The following TRIO variants were observed in gnomAD, a reference collection of about 807,000 sequenced individuals.
TRIO encodes the protein trio Rho guanine nucleotide exchange factor.
A neutral mutation model predicts 351.9 loss-of-function variants in TRIO; 58 were observed. The ratio of observed to expected loss-of-function variants is 0.16; its 90% CI spans 0.13 to 0.21. The LOEUF (loss-of-function observed/expected upper bound fraction) is 0.21, where lower values mean the gene tolerates loss of function less well. Among genes scored for constraint, TRIO ranks in the 10% least tolerant of loss-of-function variants. The pLI, the probability that TRIO is intolerant of heterozygous loss-of-function variation, is 1.00. For synonymous variants in TRIO, 1,758 were observed against 1,595.7 expected, an observed-to-expected ratio of 1.10 and a Z score of -2.42; for missense variants, 3,201 against 4,027.8, an observed-to-expected ratio of 0.79 and a Z score of 5.56.
chr5:14,359,863 C>G (rs549306233), intron 13 of TRIO, among the ~76,000 whole-genome samples: 2 of 152,208 alleles, frequency 1.3e-5, no homozygotes, highest in Non-Finnish European at 2.9e-5. Flanking sequence ...GTTAAAACCT[C>G]GATTGGGTTG....
chr5:14,385,169 C>T (rs1047407386), intron 21 of TRIO, among the ~76,000 whole-genome samples: 6 of 152,240 alleles, frequency 3.9e-5, no homozygotes, highest in African/African-American at 1.4e-4. Context: ...GTGGCATCTT[C>T]CTGCCCCCTC....
chr5:14,302,131 TTTTC>T, intron 7 of TRIO, among the ~76,000 whole-genome samples: 1 of 152,340 alleles, frequency 6.6e-6, no homozygotes, highest in East Asian at 1.9e-4. Context: ...CTTGAATGTT[TTTTC>T]TTTATTGGTT....
At chr5:14,390,196 C>G in intron 25 of TRIO, 35 bp from the exon 26 acceptor site, 1 of 1,601,280 alleles carries the variant, frequency 6.2e-7, no homozygotes, top group East Asian at 2.2e-5. Context: ...TTTTAAAACA[C>G]CTTTGTAATA....
At chr5:14,173,190 CTTTTTTTTTTTTT>C (rs758636385) in intron 1 of TRIO, among the ~76,000 whole-genome samples, 5 of 66,516 alleles carry the variant, frequency 7.5e-5, no homozygotes, top group South Asian at 5.4e-4. Flanking sequence ...TTGTATGTTC[CTTTTTTTTTTTTT>C]TTTTTTTTTT....
intron 1 of TRIO, among the ~76,000 whole-genome samples, chr5:14,149,715 A>G (rs1481086339): frequency 6.6e-6 from 1 of 151,898 alleles, no homozygotes; most frequent in African/African-American, 2.4e-5. Context: ...CCACATGTCT[A>G]CTCTTGTCTG....
chr5:14,369,336 G>C, intron 17 of TRIO, 38 bp from the exon 18 acceptor site: 1 of 1,563,558 alleles, frequency 6.4e-7, no homozygotes, highest in Non-Finnish European at 8.7e-7. Flanking sequence ...GGCAGTGGCA[G>C]ATGCCAAGTC....
At chr5:14,426,871 T>C (rs1561478492) in intron 34 of TRIO, among the ~76,000 whole-genome samples, 1 of 152,200 alleles carries the variant, frequency 6.6e-6, no homozygotes. Context: ...GGGTTTTTTT[T>C]GTTTGTTTCG....
chr5:14,406,128 A>G (rs1300991378), intron 32 of TRIO, 138 bp downstream of exon 32: 8 of 1,257,358 alleles, frequency 6.4e-6, no homozygotes, highest in African/African-American at 3.0e-5. Flanking sequence ...TGTGGATAAC[A>G]TCATTCTTAG....
chr5:14,488,078 T>C lies in TRIO; in HGVS notation c.7450T>C (p.Ser2484Pro). 6.2e-7 allele frequency: 1 copy of C among 1,608,898 alleles called. No homozygotes were observed. The highest frequency in any genetic ancestry group is 8.5e-7 in the Non-Finnish European group (1 of 1,178,732). ...CAGCAGCCCCCTGCAGAAGGGGGGC[T>C]CCTTCTGGAGCTCCATCCCCGCCTC... ...PPSSPLQKGG[S>P]FWSSIPASPA... The change falls in exon 48 of 57, where the codon TCC becomes CCC. Residue 2484 changes from serine to proline, a missense_variant. By Grantham distance (74) the Ser-to-Pro change is moderately conservative. This residue lies in a region of TRIO where 1,089 missense variants were observed against 954.9 expected (regional missense o/e 1.14). Transcript: ENST00000344204.
chr5:14,420,051 C>A, intron 34 of TRIO, 30 bp downstream of exon 34: 3 of 1,600,944 alleles, frequency 1.9e-6, no homozygotes, highest in Admixed American at 1.7e-5. Flanking sequence ...GGGTGGCAGA[C>A]CCCTACTGGA....
intron 12 of TRIO, 112 bp downstream of exon 12, chr5:14,358,459 C>T (rs1743838298): frequency 2.3e-6 from 3 of 1,314,096 alleles, no homozygotes; most frequent in African/African-American, 1.5e-5. Context: ...CAGCTGAGTG[C>T]AGAGCTAGTA....
Position 14,479,837 on chromosome 5 carries a change from G to A in TRIO, c.6244-82G>A, listed in dbSNP as rs1018842505. ...CGTTACTTTTACTGCCAGTGTTGTA[G>A]TCTTTCTGACAATTACAAAGACTAA... On this transcript the variant is annotated intron_variant, in intron 42 of 56. Transcript: ENST00000344204. The A allele has an allele frequency of 3.1e-6, 4 of 1,270,020 alleles. No homozygotes were observed. In the African/African-American group the frequency reaches 5.9e-5, roughly 19 times the overall value. The allele number at this position is 1,270,020 out of a possible 1,614,324, so 78.7% of individuals were successfully genotyped here. A position where few individuals can be genotyped will look rare whatever the true frequency, so the allele number is the denominator to read the frequency against.
intron 34 of TRIO, chr5:14,441,305 A>C (rs1752022207): frequency 6.5e-6 from 1 of 154,006 alleles, no homozygotes; most frequent in Non-Finnish European, 1.5e-5. Flanking sequence ...CTGTCAGTTC[A>C]GCCTACTGCA....
intron 41 of TRIO, among the ~76,000 whole-genome samples, chr5:14,478,731 T>C (rs1579773847): frequency 6.7e-6 from 1 of 150,242 alleles, no homozygotes; most frequent in Non-Finnish European, 1.5e-5. Context: ...GGCAGGAGGG[T>C]TGCTGAGGCT....
At chr5:14,284,652 G>GA (rs2152279957) in intron 3 of TRIO, among the ~76,000 whole-genome samples, 1 of 152,272 alleles carries the variant, frequency 6.6e-6, no homozygotes, top group Non-Finnish European at 1.5e-5. Flanking sequence ...CTTTCAAGTA[G>GA]AGGGGCTTTG....
chr5:14,479,430 T>C, intron 42 of TRIO, 80 bp downstream of exon 42: 1 of 1,281,940 alleles, frequency 7.8e-7, no homozygotes, highest in Non-Finnish European at 1.1e-6. Flanking sequence ...TATCATTGGT[T>C]TCCCAGGAGA....
chr5:14,155,206 TCAC>T (rs1038989113), intron 1 of TRIO, among the ~76,000 whole-genome samples: 1 of 152,182 alleles, frequency 6.6e-6, no homozygotes, highest in Non-Finnish European at 1.5e-5. Context: ...TGTAAGTATT[TCAC>T]CACTTCTGCT....
chr5:14,300,847 C>G (rs1737812293), intron 7 of TRIO, among the ~76,000 whole-genome samples: 1 of 152,180 alleles, frequency 6.6e-6, no homozygotes, highest in Non-Finnish European at 1.5e-5. Context: ...AGTTCACTTC[C>G]CATAAATATT....
chr5:14,366,501 A>G (rs1283840529), intron 15 of TRIO, among the ~76,000 whole-genome samples: 3 of 152,248 alleles, frequency 2.0e-5, no homozygotes, highest in African/African-American at 4.8e-5. Flanking sequence ...CTGGAAAGGA[A>G]TGAAAAATAT....
Sources: gnomAD v4.1 joint callset for allele counts (sites outside exome capture counted in the v4.1 genomes callset) on GRCh38, gnomAD v4.1.1 for gene constraint, gnomAD v4.1.1 regional missense constraint, MANE v1.5 for transcripts, NCBI Gene and HGNC (gene_info 2026-07-23, HGNC 2026-07-21) for gene names.